Variants in HECW1 observed in about 807,000 individuals in gnomAD.
HECW1 encodes the protein E3 ubiquitin-protein ligase HECW1.
In HECW1, 61 loss-of-function variants were observed where a neutral mutation model predicts 182.3. The ratio of observed to expected loss-of-function variants is 0.33; its 90% CI spans 0.27 to 0.41. The LOEUF is 0.41. Among genes scored for constraint, HECW1 ranks in the 10% least tolerant of loss-of-function variants. The pLI, the probability that HECW1 is intolerant of heterozygous loss-of-function variation, is 1.00. For missense variants in HECW1, 1,739 were observed against 2,108.9 expected, an observed-to-expected ratio of 0.82 and a Z score of 3.44; for synonymous variants, 859 against 832.6, an observed-to-expected ratio of 1.03 and a Z score of -0.55.
intron 3 of HECW1, among the ~76,000 whole-genome samples, chr7:43,295,729 T>C (rs1325958079): frequency 6.6e-6 from 1 of 152,214 alleles, no homozygotes; most frequent in African/African-American, 2.4e-5. Context: ...CCTTTGTTTA[T>C]ATCCCACTAT....
At chr7:43,376,532 T>C (rs1321764709) in intron 6 of HECW1, among the ~76,000 whole-genome samples, 2 of 152,116 alleles carry the variant, frequency 1.3e-5, no homozygotes, top group African/African-American at 4.8e-5. Context: ...GGCCTCTCAA[T>C]AAAAACTCTT....
In HECW1 at chr7:43,492,120, C is replaced by T; in HGVS notation, c.3280C>T (p.Pro1094Ser). The T allele has an allele frequency of 6.2e-7, 1 of 1,606,762 alleles. No homozygotes were observed. The highest frequency in any genetic ancestry group is 8.5e-7 in the Non-Finnish European group (1 of 1,178,052). Reference protein sequence around the residue: ...RNRGASLLARPGHSLVAAIRS... With the variant: ...RNRGASLLARSGHSLVAAIRS... ...CAGAGGAGCCTCTTTACTGGCCAGG[C>T]CAGGACACAGCTTAGTAGCTGCTAT... Residue 1094 changes from proline to serine, a missense_variant, in exon 18 of 30, where the codon CCA becomes TCA. Pro to Ser is a moderately conservative substitution (Grantham distance 74). Transcript: ENST00000395891.
intron 2 of HECW1, among the ~76,000 whole-genome samples, chr7:43,156,265 G>A (rs796740266): frequency 3.9e-5 from 6 of 152,194 alleles, no homozygotes; most frequent in South Asian, 2.1e-4. Flanking sequence ...CTTCATACTC[G>A]CAGAGTCTCT....
chr7:43,307,877 T>TATATATATATATATACAC (rs1807792298), intron 3 of HECW1, among the ~76,000 whole-genome samples: 1 of 2,868 alleles, frequency 3.5e-4, no homozygotes, highest in African/African-American at 2.2e-3. Context: ...ATCATTTCAC[T>TATATATATATATATACAC]ATATATATAT....
intron 2 of HECW1, among the ~76,000 whole-genome samples, chr7:43,201,653 C>G (rs1022855352): frequency 6.6e-6 from 1 of 152,172 alleles, no homozygotes; most frequent in African/African-American, 2.4e-5. Context: ...CTTTTTCCTG[C>G]ATGAAGTCAC....
chr7:43,488,794 G>C (rs1563047374), intron 17 of HECW1, among the ~76,000 whole-genome samples: 1 of 152,160 alleles, frequency 6.6e-6, no homozygotes, highest in Non-Finnish European at 1.5e-5. Context: ...GAGCCATCCA[G>C]TACCAACCAA....
intron 7 of HECW1, among the ~76,000 whole-genome samples, chr7:43,401,721 C>CA (rs1479700433): frequency 1.3e-5 from 2 of 151,736 alleles, no homozygotes; most frequent in Non-Finnish European, 2.9e-5. Flanking sequence ...GTGATACGGA[C>CA]AGGAGACAGG....
At chr7:43,306,231 C>A (rs1807549973) in intron 3 of HECW1, among the ~76,000 whole-genome samples, 1 of 152,226 alleles carries the variant, frequency 6.6e-6, no homozygotes, top group African/African-American at 2.4e-5. Flanking sequence ...CAACAGTCCG[C>A]TGCATAGAGC....
chr7:43,144,100 G>C (rs1210943959), intron 2 of HECW1, among the ~76,000 whole-genome samples: 1 of 152,194 alleles, frequency 6.6e-6, no homozygotes, highest in Non-Finnish European at 1.5e-5. Context: ...CCTGTTGGCT[G>C]TAAGAGTTTC....
chr7:43,398,199 G>A (rs999608247), intron 7 of HECW1, among the ~76,000 whole-genome samples: 1 of 152,294 alleles, frequency 6.6e-6, no homozygotes, highest in South Asian at 2.1e-4. Context: ...GGAGGTTGCA[G>A]TGAGCCGAGA....
intron 8 of HECW1, among the ~76,000 whole-genome samples, chr7:43,414,114 A>C (rs1021407445): frequency 2.6e-5 from 4 of 151,588 alleles, no homozygotes; most frequent in African/African-American, 9.7e-5. Context: ...ATTTGTTTGT[A>C]TCCTCTTTTA....
At chr7:43,557,625 A>G (rs2082073655) in intron 29 of HECW1, among the ~76,000 whole-genome samples, 1 of 152,244 alleles carries the variant, frequency 6.6e-6, no homozygotes, top group African/African-American at 2.4e-5. Flanking sequence ...GAAGTGGAAA[A>G]GAAGACTTCA....
chr7:43,439,260 C>G (rs1394776713), intron 9 of HECW1: 1 of 152,148 alleles, frequency 6.6e-6, no homozygotes, highest in Non-Finnish European at 1.5e-5. Context: ...GCTTCTGTGA[C>G]AGCATTATCA....
At position 43,139,027 on chromosome 7, in the gene HECW1, G is replaced by A. The variant is rs548887495; in HGVS notation, c.-32+24636G>A. The stretch of plus-strand genomic sequence containing the variant: ...TGTTTTAATAACATTTAGTATTTTA[G>A]CATTGTTTTAACAAGGCGTTTTCAC... On this transcript the variant is annotated intron_variant, in intron 2 of 29. Transcript: ENST00000395891. 1.1e-4 allele frequency among the ~76,000 whole-genome samples: 17 copies of A among 152,214 alleles called. No individual in the cohort carries two copies. The South Asian group carries it at 2.1e-3, about 19-fold the overall frequency.
In HECW1 at chr7:43,140,907, C is replaced by CAG. The variant is rs202195718; in HGVS notation, c.-32+26526_-32+26527dup. On this transcript the variant is annotated intron_variant, in intron 2 of 29. Coordinates refer to ENST00000395891, the MANE Select transcript of HECW1 (RefSeq NM_015052.5). ...TCTCCATCATAGACAGAGACAGAAG[C>CAG]AGAGAGAGAGACAGAGCTCCCAGGG... Among the ~76,000 whole-genome samples the CAG allele has an allele frequency of 5.1e-3, 769 of 152,242 alleles. 25 individuals are homozygous for CAG. Among genetic ancestry groups the CAG allele is most frequent in the Non-Finnish European group, 1.2e-3 (84 of 68,006 alleles).
intron 3 of HECW1, among the ~76,000 whole-genome samples, chr7:43,275,710 A>G (rs184098124): frequency 2.0e-4 from 29 of 145,360 alleles, no homozygotes; most frequent in East Asian, 1.6e-3. Context: ...ATGCGCACGC[A>G]CACACACACA....
rs556071987 is a variant in HECW1, at chr7:43,547,552, A to G, written c.4249-2893A>G. Among the ~76,000 whole-genome samples the G allele has an allele frequency of 4.9e-3, 743 of 151,940 alleles. 9 individuals are homozygous for G. Among genetic ancestry groups the G allele is most frequent in the South Asian group, 3.9e-3 (19 of 4,816 alleles). On this transcript the variant is annotated intron_variant, in intron 26 of 29. Coordinates refer to ENST00000395891, the MANE Select transcript of HECW1 (RefSeq NM_015052.5). ...CAGAGTGAGACTCTGGCTCAAAGAA[A>G]AAAAAAAAAGCTGTGTTTTCAATAT...
chr7:43,484,968 G>A (rs2078573007), intron 17 of HECW1, among the ~76,000 whole-genome samples: 1 of 152,184 alleles, frequency 6.6e-6, no homozygotes, highest in African/African-American at 2.4e-5. Context: ...CATTTGCCTT[G>A]TTTACACTGC....
chr7:43,172,392 T>C (rs749018563), intron 2 of HECW1, among the ~76,000 whole-genome samples: 123 of 150,716 alleles, frequency 8.2e-4, no homozygotes, highest in Middle Eastern at 6.8e-3. Flanking sequence ...ATTTTTAGTA[T>C]TTTCTAAAAA....
Sources: gnomAD v4.1 joint callset for allele counts (sites outside exome capture counted in the v4.1 genomes callset) on GRCh38, gnomAD v4.1.1 for gene constraint, MANE v1.5 for transcripts, NCBI Gene and HGNC (gene_info 2026-07-23, HGNC 2026-07-21) for gene names.